SCN3A: variants seen among roughly 807,000 people sequenced by gnomAD.
SCN3A encodes sodium voltage-gated channel alpha subunit 3, also known as sodium channel protein type 3 subunit alpha.
In SCN3A, 60 loss-of-function variants were observed where a neutral mutation model predicts 187.6. That is an observed-to-expected ratio of 0.32 (90% CI 0.26 to 0.40). SCN3A has a LOEUF of 0.40. Ranked by LOEUF, SCN3A falls within the 10% of genes least tolerant of loss-of-function variation. The probability of loss-of-function intolerance (pLI) is 1.00; values close to 1 mark genes in which losing one functional copy is unlikely to be tolerated. For synonymous variants in SCN3A, 788 were observed against 829.2 expected, an observed-to-expected ratio of 0.95 and a Z score of 0.85; for missense variants, 1,601 against 2,428.2, an observed-to-expected ratio of 0.66 and a Z score of 7.16.
At chr2:165,100,204 A>G (rs1382111245) in intron 22 of SCN3A, 98 bp downstream of exon 22, 41 of 1,374,144 alleles carry the variant, frequency 3.0e-5, no homozygotes, top group African/African-American at 4.3e-5. Flanking sequence ...CTGTAATTCT[A>G]TGAAATAAAT....
At chr2:165,114,083 C>G in intron 19 of SCN3A, 113 bp from the exon 20 acceptor site, 1 of 624,854 alleles carries the variant, frequency 1.6e-6, no homozygotes, top group Non-Finnish European at 2.7e-6. Context: ...ATAGGGTAAC[C>G]ATCTCCTTCA....
intron 15 of SCN3A, 70 bp downstream of exon 15, chr2:165,137,809 T>C (rs1687757602): frequency 1.7e-6 from 2 of 1,208,938 alleles, no homozygotes; most frequent in Non-Finnish European, 2.5e-6. Context: ...ACAGCACAAA[T>C]ACATCTTTCC....
At chr2:165,093,352 C>T (rs1199655358) in intron 26 of SCN3A, 1 of 152,070 alleles carries the variant, frequency 6.6e-6, no homozygotes, top group Non-Finnish European at 1.5e-5. Context: ...GTTAATTTAT[C>T]TGTATTTCTT....
rs948166221 is a variant in SCN3A at position 165,127,872 on chromosome 2, T to C, written c.3152A>G (p.Asn1051Ser). Residue 1051 changes from asparagine (N) to serine (S), a missense_variant, in exon 18 of 28, where the codon AAT (asparagine) becomes AGT (serine). Physicochemically the swap from Asn to Ser is conservative, Grantham distance 46 (BLOSUM62 1). Transcript: ENST00000283254. ...TTTGCTTATTTCAATTCCAGTATTA[T>C]TGGACATGCAGCTGTCTATCTTATT... Reference protein sequence around the residue: ...EGNKIDSCMSNNTGIEISKEL... With the variant: ...EGNKIDSCMSSNTGIEISKEL... 2.5e-6 allele frequency: 4 copies of C among 1,614,198 alleles called. No homozygotes were observed. In the East Asian group the frequency reaches 6.7e-5, roughly 27 times the overall value.
intron 11 of SCN3A, among the ~76,000 whole-genome samples, chr2:165,149,294 C>T (rs1047592019): frequency 3.9e-5 from 6 of 152,034 alleles, no homozygotes; most frequent in African/African-American, 1.2e-4. Flanking sequence ...CCTGCCTCAG[C>T]CCCCTGAGTA....
In SCN3A at chr2:165,168,664, G is replaced by A. The variant is rs4667795; in HGVS notation, c.473+72C>T. 179,240 of 1,039,578 alleles carry A rather than the reference G, an allele frequency of 0.17. 21,596 individuals are homozygous for A. The highest frequency in any genetic ancestry group is 0.49 in the East Asian group (20,473 of 42,112). 64.4% of individuals were successfully genotyped at this position (1,039,578 alleles called of 1,614,324 possible). On this transcript the variant is annotated intron_variant, in intron 5 of 27. Coordinates refer to ENST00000283254, the MANE Select transcript of SCN3A (RefSeq NM_006922.4). ...GACAGAAGTGGAAACCATAAGTCAG[G>A]CTATACCCACAAGGAGATTGCTAGA...
At chr2:165,189,000 A>C (rs952225883) in intron 1 of SCN3A, among the ~76,000 whole-genome samples, 3 of 152,080 alleles carry the variant, frequency 2.0e-5, no homozygotes, top group Admixed American at 1.3e-4. Context: ...GAACTAAAGG[A>C]ATGAGTAAAG....
chr2:165,121,581 T>C (rs1550386), intron 18 of SCN3A, among the ~76,000 whole-genome samples: 32,460 of 152,164 alleles, frequency 0.21, 3,519 homozygotes, highest in South Asian at 0.29. Context: ...TATTTCTCAT[T>C]TTTTTTGCAT....
intron 1 of SCN3A, among the ~76,000 whole-genome samples, chr2:165,188,899 T>G (rs1039370680): frequency 1.3e-5 from 2 of 151,438 alleles, no homozygotes. Context: ...AAAAAGTAGG[T>G]CTGAGGTAGG....
intron 11 of SCN3A, among the ~76,000 whole-genome samples, chr2:165,148,097 A>G (rs1688460736): frequency 1.3e-5 from 2 of 148,684 alleles, no homozygotes; most frequent in African/African-American, 4.9e-5. Flanking sequence ...AAATTGTATC[A>G]TTGTATGCTC....
intron 1 of SCN3A, among the ~76,000 whole-genome samples, chr2:165,203,482 T>C (rs924522101): frequency 1.3e-5 from 2 of 152,054 alleles, no homozygotes; most frequent in African/African-American, 4.8e-5. Context: ...ACACTGGGCA[T>C]TTAAATAGAT....
chr2:165,146,870 C>T lies in SCN3A; in HGVS notation c.1540G>A (p.Gly514Arg). Reference sequence around the variant, plus strand: ...CTGTCTCTCTCTCCTTTGTTGTTTCCTTCAAGGTGCTCTCTCTGTCTTCTT... The same window carrying T: ...CTGTCTCTCTCTCCTTTGTTGTTTCTTTCAAGGTGCTCTCTCTGTCTTCTT... Reference protein sequence around the residue: ...KKRRQREHLEGNNKGERDSFP... With the variant: ...KKRRQREHLERNNKGERDSFP... The change falls in exon 12 of 28, where the codon GGA (glycine) becomes AGA (arginine). Residue 514 changes from glycine (G) to arginine (R), a missense_variant. Coordinates refer to ENST00000283254, the MANE Select transcript of SCN3A (RefSeq NM_006922.4). The T allele has an allele frequency of 6.2e-7, 1 of 1,614,010 alleles. No homozygotes were observed. Among genetic ancestry groups the T allele is most frequent in the East Asian group, 2.2e-5 (1 of 44,852 alleles).
chr2:165,178,904 C>G (rs1484595191), intron 2 of SCN3A, among the ~76,000 whole-genome samples: 1 of 152,116 alleles, frequency 6.6e-6, no homozygotes, highest in African/African-American at 2.4e-5. Context: ...CATCATCAAT[C>G]CAACTCTAAG....
intron 21 of SCN3A, among the ~76,000 whole-genome samples, chr2:165,112,268 C>T (rs192782251): frequency 6.6e-6 from 1 of 152,310 alleles, no homozygotes; most frequent in Admixed American, 6.5e-5. Flanking sequence ...CCTATGACTA[C>T]TCACCCCAGG....
chr2:165,162,757 A>G lies in SCN3A; in HGVS notation c.766T>C (p.Phe256Leu). The change falls in exon 8 of 28, where the codon TTC (phenylalanine) becomes CTC (leucine). Residue 256 changes from phenylalanine to leucine, a missense_variant. Transcript: ENST00000283254. ...KLSDVMILTV[F>L]CLSVFALIGL... ...ATGAGAGCAAACACGCTCAGACAGA[A>G]CACAGTCAGGATCATCACATCAGAA... 1 of 1,614,168 alleles carries G rather than the reference A, an allele frequency of 6.2e-7. No homozygotes were observed. The highest frequency in any genetic ancestry group is 8.5e-7 in the Non-Finnish European group (1 of 1,180,004).
rs551931966 is a variant in SCN3A at position 165,156,239 on chromosome 2, G to A, written c.1032-336C>T. Among the ~76,000 whole-genome samples, 13 of 152,184 alleles carry A rather than the reference G, an allele frequency of 8.5e-5. No individual in the cohort carries two copies. In the East Asian group the frequency reaches 2.3e-3, roughly 27 times the overall value. On this transcript the variant is annotated intron_variant, in intron 9 of 27. Transcript: ENST00000283254. ...TTAAAAATTAAGGCCGGGTGCAGTG[G>A]CTCACGCCTGTAATCCCAGCACTTT...
intron 9 of SCN3A, among the ~76,000 whole-genome samples, chr2:165,161,709 G>T (rs556075368): frequency 5.9e-4 from 90 of 152,268 alleles, no homozygotes; most frequent in African/African-American, 2.1e-3. Flanking sequence ...GAGAATAACA[G>T]CATGACTAAG....
At chr2:165,132,714 G>C (rs979889564) in intron 15 of SCN3A, among the ~76,000 whole-genome samples, 10 of 152,192 alleles carry the variant, frequency 6.6e-5, no homozygotes, top group Non-Finnish European at 1.2e-4. Context: ...TCAGGACATA[G>C]GCATGGGCAA....
intron 2 of SCN3A, among the ~76,000 whole-genome samples, chr2:165,179,043 G>A (rs1325514218): frequency 6.6e-6 from 1 of 152,052 alleles, no homozygotes; most frequent in Admixed American, 6.6e-5. Flanking sequence ...CTGAATGGCT[G>A]TGGCTCTTCT....
Sources: allele counts gnomAD v4.1 joint callset (sites outside exome capture counted in the v4.1 genomes callset), GRCh38; gene constraint gnomAD v4.1.1; transcripts MANE v1.5; gene names NCBI Gene and HGNC (gene_info 2026-07-23, HGNC 2026-07-21).